The following PIGN variants were observed in gnomAD, a reference collection of about 807,000 sequenced individuals.
PIGN encodes GPI ethanolamine phosphate transferase 1.
A neutral mutation model predicts 125.4 loss-of-function variants in PIGN; 117 were observed. The ratio of observed to expected loss-of-function variants is 0.93; its 90% CI spans 0.80 to 1.09. The LOEUF is 1.09. PIGN is among the 50% of genes least tolerant of loss of function. The pLI, the probability that PIGN is intolerant of heterozygous loss-of-function variation, is 0.00. For synonymous variants in PIGN, 392 were observed against 377.8 expected (o/e 1.04, Z -0.44); for missense variants, 1,075 against 1,094.9 (o/e 0.98, Z 0.26).
intron 30 of PIGN, among the ~76,000 whole-genome samples, chr18:62,055,297 C>A (rs1347453139): frequency 1.3e-5 from 2 of 152,124 alleles, no homozygotes; most frequent in African/African-American, 4.8e-5. Flanking sequence ...CACATCCATA[C>A]CATGGATTTA....
intron 29 of PIGN, among the ~76,000 whole-genome samples, chr18:62,074,092 G>A (rs534551411): frequency 6.6e-6 from 1 of 152,378 alleles, no homozygotes; most frequent in African/African-American, 2.4e-5. Context: ...CACATCAATA[G>A]TGGGAGGGTA....
intron 6 of PIGN, among the ~76,000 whole-genome samples, chr18:62,156,649 T>G (rs553316857): frequency 6.6e-6 from 1 of 152,188 alleles, no homozygotes; most frequent in East Asian, 1.9e-4. Context: ...AATCTTTATA[T>G]GAGTAGCTAC....
At chr18:62,117,575 T>C (rs1000334175) in intron 14 of PIGN, among the ~76,000 whole-genome samples, 4 of 152,092 alleles carry the variant, frequency 2.6e-5, no homozygotes, top group African/African-American at 9.7e-5. Flanking sequence ...CTAAATATGG[T>C]AAAATGTTAA....
intron 14 of PIGN, among the ~76,000 whole-genome samples, chr18:62,127,760 G>A (rs2035590640): frequency 6.6e-6 from 1 of 152,002 alleles, no homozygotes; most frequent in South Asian, 2.1e-4. Flanking sequence ...GTGTGACTGA[G>A]GTTCGCTGGA....
intron 14 of PIGN, among the ~76,000 whole-genome samples, chr18:62,116,531 T>C (rs1353775783): frequency 6.6e-6 from 1 of 152,220 alleles, no homozygotes; most frequent in African/African-American, 2.4e-5. Flanking sequence ...CATAAAGATG[T>C]TCCCCTCTTT....
chr18:62,115,022 G>A (rs1228748768), intron 14 of PIGN, among the ~76,000 whole-genome samples: 1 of 152,208 alleles, frequency 6.6e-6, no homozygotes, highest in Non-Finnish European at 1.5e-5. Context: ...TCACGTGATT[G>A]AGGACAGATC....
chr18:62,041,425 T>C lies in PIGN; in HGVS notation c.*4431A>G, dbSNP rs796981446. ...TATTCCAGTTCTCAGGGAAAAAAATTCAATCAACATACAACACCCTATTTT... is the reference window on the plus strand; with the variant it reads ...TATTCCAGTTCTCAGGGAAAAAAATCCAATCAACATACAACACCCTATTTT... On this transcript the variant is annotated 3_prime_UTR_variant, in exon 31 of 31. Transcript: ENST00000640252. 2 of 152,184 alleles carry C rather than the reference T, an allele frequency of 1.3e-5. No individual in the cohort carries two copies. The highest frequency in any genetic ancestry group is 4.1e-4 in the South Asian group (2 of 4,834). The allele number at this position is 152,184 out of a possible 1,614,324, so 9.4% of individuals were successfully genotyped here.
intron 6 of PIGN, among the ~76,000 whole-genome samples, chr18:62,154,885 A>G (rs1035569300): frequency 6.6e-6 from 1 of 152,210 alleles, no homozygotes; most frequent in African/African-American, 2.4e-5. Context: ...CAAAAATAAC[A>G]TATTTTAATT....
intron 30 of PIGN, among the ~76,000 whole-genome samples, chr18:62,054,205 A>G (rs1351960370): frequency 1.3e-5 from 2 of 152,146 alleles, no homozygotes; most frequent in Non-Finnish European, 2.9e-5. Flanking sequence ...GTCTCACACT[A>G]TATACAAAAA....
intron 23 of PIGN, among the ~76,000 whole-genome samples, chr18:62,033,837 G>A (rs1021917305): frequency 2.0e-5 from 3 of 152,212 alleles, no homozygotes; most frequent in Non-Finnish European, 4.4e-5. Context: ...GGTGAAGCCT[G>A]TAAACAAATT....
chr18:62,111,991 C>T lies in PIGN; in HGVS notation c.1434+1143G>A, dbSNP rs148577732. On this transcript the variant is annotated intron_variant, in intron 16 of 30. Transcript: ENST00000640252. ...ATATTAAGATAAACATGAAAAGGCA[C>T]TCTCTGGCCCACGACTGCTCTGGAT... Among the ~76,000 whole-genome samples the T allele has an allele frequency of 1.6e-3, 242 of 152,266 alleles. 2 individuals are homozygous for T. The highest frequency in any genetic ancestry group is 5.4e-3 in the African/African-American group (225 of 41,556).
chr18:62,114,618 C>T lies in PIGN; in HGVS notation c.1194G>A (p.Gln398=), dbSNP rs1261602194. The T allele has an allele frequency of 1.3e-6, 2 of 1,515,480 alleles. No homozygotes were observed. Among genetic ancestry groups the T allele is most frequent in the Non-Finnish European group, 9.0e-7 (1 of 1,115,422 alleles). 93.9% of individuals were successfully genotyped at this position (1,515,480 alleles called of 1,614,324 possible). A position where few individuals can be genotyped will look rare whatever the true frequency, so the allele number is the denominator to read the frequency against. ...TPFKLLSDSK[Q]FNILRKARSY... ...ATCTTGCTTTTCTTAAAATGTTGAA[C>T]TGTTTGGAATCAGAAAGCAGTCTAT... The change falls in exon 15 of 31, where the codon CAG becomes CAA. Residue 398 remains glutamine (Q), a synonymous_variant. Coordinates refer to ENST00000640252, the MANE Select transcript of PIGN (RefSeq NM_176787.5).
At chr18:62,116,399 A>G (rs2035086918) in intron 14 of PIGN, among the ~76,000 whole-genome samples, 1 of 152,152 alleles carries the variant, frequency 6.6e-6, no homozygotes, top group Non-Finnish European at 1.5e-5. Flanking sequence ...TACTTCATCA[A>G]TTCTAATCTT....
At chr18:62,161,477 ATATTTT>A in intron 3 of PIGN, 92 bp from the exon 4 acceptor site, 2 of 593,910 alleles carry the variant, frequency 3.4e-6, no homozygotes, top group East Asian at 5.6e-5. Flanking sequence ...GATGAAACAT[ATATTTT>A]TAATTATTAT....
intron 1 of PIGN, among the ~76,000 whole-genome samples, chr18:62,180,420 A>T (rs2037675587): frequency 6.6e-6 from 1 of 152,202 alleles, no homozygotes; most frequent in African/African-American, 2.4e-5. Flanking sequence ...TTTCAACTTT[A>T]CAAGTGACTG....
chr18:62,171,654 A>T (rs1293393505), intron 1 of PIGN, among the ~76,000 whole-genome samples: 1 of 152,064 alleles, frequency 6.6e-6, no homozygotes, highest in Non-Finnish European at 1.5e-5. Context: ...TCATGAATGG[A>T]TGTTGGATTT....
rs2037412692 is a variant in PIGN, at chr18:62,173,567, G to C, written c.-235-9911C>G. Among the ~76,000 whole-genome samples, 3 of 152,116 alleles carry C rather than the reference G, an allele frequency of 2.0e-5. No individual in the cohort carries two copies. The South Asian group carries it at 6.2e-4, about 32-fold the overall frequency. ...TATTTTGGATGCACTTGGAGATCATGTCCTTAGCGGATTCTGGCATTAGGT... is the reference window on the plus strand; with the variant it reads ...TATTTTGGATGCACTTGGAGATCATCTCCTTAGCGGATTCTGGCATTAGGT... On this transcript the variant is annotated intron_variant, in intron 1 of 30. Coordinates refer to ENST00000640252, the MANE Select transcript of PIGN (RefSeq NM_176787.5).
At chr18:62,068,236 G>T (rs1050747474) in intron 30 of PIGN, among the ~76,000 whole-genome samples, 5 of 152,064 alleles carry the variant, frequency 3.3e-5, no homozygotes, top group African/African-American at 1.2e-4. Context: ...ATCATCATTT[G>T]GTAGGCAGAT....
chr18:62,037,480 C>A (rs868289553), downstream of PIGN, among the ~76,000 whole-genome samples: 1 of 152,232 alleles, frequency 6.6e-6, no homozygotes, highest in South Asian at 2.1e-4. Flanking sequence ...AAAGCAGGGA[C>A]GTAAAGGCCT....
Sources: allele counts gnomAD v4.1 joint callset (sites outside exome capture counted in the v4.1 genomes callset), GRCh38; gene constraint gnomAD v4.1.1; transcripts MANE v1.5; gene names NCBI Gene and HGNC (gene_info 2026-07-23, HGNC 2026-07-21).